ZFR2: variants seen among roughly 807,000 people sequenced by gnomAD.
ZFR2 encodes the protein zinc finger RNA-binding protein 2.
ZFR2 carries 104 observed loss-of-function variants against 105.7 expected under a neutral mutation model. The observed-to-expected ratio is 0.98, with a 90% CI of 0.84 to 1.16. The LOEUF is 1.16. Ranked by LOEUF, ZFR2 falls within the 50% of genes most tolerant of loss-of-function variation. ZFR2 has a pLI of 0.00. For synonymous variants in ZFR2, 634 were observed against 597.7 expected (o/e 1.06, Z -0.89); for missense variants, 1,425 against 1,355.5 (o/e 1.05, Z -0.80).
chr19:3,808,806 TG>T, intron 17 of ZFR2, 65 bp downstream of exon 17: 1 of 1,341,620 alleles, frequency 7.5e-7, no homozygotes, highest in Non-Finnish European at 1.0e-6. Flanking sequence ...CTCTGTGCCA[TG>T]GCCACGGGCC....
Position 3,838,414 on chromosome 19 carries a change from CAA to C in ZFR2, c.54-3433_54-3432del, listed in dbSNP as rs2038101120. 6.6e-6 allele frequency among the ~76,000 whole-genome samples: 1 copy of C among 152,144 alleles called. No individual in the cohort carries two copies. The highest frequency in any genetic ancestry group is 1.5e-5 in the Non-Finnish European group (1 of 68,028). ...CTGCACTGAGCACCGACCGATGAGC[CAA>C]AGAGAGGAAGGTGGAAGGTTCCATA... On this transcript the variant is annotated intron_variant, in intron 1 of 18. Transcript: ENST00000262961. The surrounding 1 kb of genome is among the most constrained non-coding windows in gnomAD (Gnocchi z 4.9).
intron 14 of ZFR2, 48 bp from the exon 15 acceptor site, chr19:3,811,414 G>T: frequency 6.6e-7 from 1 of 1,526,512 alleles, no homozygotes. Context: ...GCCTCGTCCC[G>T]CTCTGCTGCC....
At chr19:3,812,663 A>G (rs1011086844) in intron 14 of ZFR2, among the ~76,000 whole-genome samples, 1 of 152,138 alleles carries the variant, frequency 6.6e-6, no homozygotes, top group Non-Finnish European at 1.5e-5. Flanking sequence ...TAGCGCCAAA[A>G]GCCACTCTCT....
chr19:3,833,352 G>A (rs1188973711), intron 3 of ZFR2, among the ~76,000 whole-genome samples: 18 of 152,026 alleles, frequency 1.2e-4, no homozygotes, highest in Admixed American at 3.3e-4. Flanking sequence ...CAAGGCGGGC[G>A]GATCACGAGG....
intron 5 of ZFR2, among the ~76,000 whole-genome samples, chr19:3,829,553 C>T (rs1042400300): frequency 6.6e-6 from 1 of 151,576 alleles, no homozygotes; most frequent in Admixed American, 6.6e-5. Flanking sequence ...CGCCCTGTCG[C>T]CCAGGCTGGG....
chr19:3,866,874 G>A (rs1432212214), intron 1 of ZFR2, among the ~76,000 whole-genome samples: 2 of 152,154 alleles, frequency 1.3e-5, no homozygotes, highest in African/African-American at 4.8e-5. Context: ...GAAATCAGCA[G>A]GTCATAGATT....
chr19:3,865,205 C>T (rs1034522737), intron 1 of ZFR2, among the ~76,000 whole-genome samples: 3 of 152,124 alleles, frequency 2.0e-5, no homozygotes, highest in African/African-American at 7.2e-5. Flanking sequence ...ACATTATCAA[C>T]AGCTAACTGT....
At position 3,831,410 on chromosome 19, in the gene ZFR2, C is replaced by A. The variant is rs755776377; in HGVS notation, c.745G>T (p.Asp249Tyr). 4 of 1,555,116 alleles carry A rather than the reference C, an allele frequency of 2.6e-6. No homozygotes were observed. The highest frequency in any genetic ancestry group is 2.4e-5 in the South Asian group (2 of 84,432). The change falls in exon 5 of 19, where the codon GAC becomes TAC. Residue 249 changes from aspartate (D) to tyrosine (Y), a missense_variant. Asp to Tyr is a radical substitution (Grantham distance 160). Transcript: ENST00000262961. The part of the protein sequence containing the change: ...PAGSGSSPRA[D>Y]SKPPLPSKLP... ...TTGCTGGGAAGCGGTGGCTTCGAGTCGGCCCTGGGGCTGCTTCCTGAGCCT... is the reference window on the plus strand; with the variant it reads ...TTGCTGGGAAGCGGTGGCTTCGAGTAGGCCCTGGGGCTGCTTCCTGAGCCT...
chr19:3,857,178 C>T (rs2038314199), intron 1 of ZFR2, among the ~76,000 whole-genome samples: 1 of 147,232 alleles, frequency 6.8e-6, no homozygotes. Flanking sequence ...ACCTCTGCCT[C>T]CTGGGCTCAA....
In ZFR2 at chr19:3,819,209, G is replaced by A. The variant is rs550704725; in HGVS notation, c.1767C>T (p.Asp589=). The change falls in exon 12 of 19, where the codon GAC becomes GAT. Residue 589 remains aspartate (D), a synonymous_variant. Coordinates refer to ENST00000262961, the MANE Select transcript of ZFR2 (RefSeq NM_015174.2). ...LQPGRRPASS[D]DRHVMCKHAT... ...CGTGCTTGCACATGACGTGCCGGTC[G>A]TCGCTGGACGCCGGCCGCCGCCCGG... 2.5e-5 allele frequency: 39 copies of A among 1,562,648 alleles called. No homozygotes were observed. The South Asian group carries it at 3.0e-4, about 12-fold the overall frequency.
At chr19:3,843,569 A>T (rs2038155377) in intron 1 of ZFR2, among the ~76,000 whole-genome samples, 1 of 151,704 alleles carries the variant, frequency 6.6e-6, no homozygotes, top group South Asian at 2.1e-4. Flanking sequence ...GCGGTGGCTC[A>T]CGCCTGTAAT....
In ZFR2 at chr19:3,858,861, C is replaced by A. The variant is rs896255565; in HGVS notation, c.53+10104G>T. ...TAATTAAAAACAAGGACTCTTTCTT[C>A]CCGAACACAGCTCATCACCTATTTC... On this transcript the variant is annotated intron_variant, in intron 1 of 18. Transcript: ENST00000262961. This position sits in a 1 kb window ranked among gnomAD's most constrained non-coding sequence, Gnocchi z 4.3. 6.6e-6 allele frequency among the ~76,000 whole-genome samples: 1 copy of A among 152,170 alleles called. No individual in the cohort carries two copies. The highest frequency in any genetic ancestry group is 2.4e-5 in the African/African-American group (1 of 41,434).
chr19:3,807,531 A>AC (rs1198152114), intron 17 of ZFR2, among the ~76,000 whole-genome samples: 1 of 149,684 alleles, frequency 6.7e-6, no homozygotes, highest in Non-Finnish European at 1.5e-5. Context: ...GCCTGTGTGC[A>AC]CCCATGCATA....
intron 3 of ZFR2, among the ~76,000 whole-genome samples, chr19:3,832,590 G>A (rs1394922971): frequency 2.6e-5 from 4 of 151,662 alleles, no homozygotes; most frequent in African/African-American, 9.7e-5. Flanking sequence ...AAAGTGCTGG[G>A]ATTACAGGCG....
intron 1 of ZFR2, among the ~76,000 whole-genome samples, chr19:3,860,753 TTTTACTC>T (rs2038364053): frequency 6.6e-6 from 1 of 152,038 alleles, no homozygotes; most frequent in South Asian, 2.1e-4. Flanking sequence ...GGCAACACCT[TTTTACTC>T]TTGTGCACCA....
At chr19:3,819,310 G>GGCAGGTGA in intron 11 of ZFR2, 75 bp from the exon 12 acceptor site, 1 of 1,226,502 alleles carries the variant, frequency 8.2e-7, no homozygotes, top group African/African-American at 1.6e-5. Context: ...CGGGCAGGTG[G>GGCAGGTGA]GGGCAGGTGG....
intron 6 of ZFR2, 48 bp from the exon 7 acceptor site, chr19:3,825,455 G>T: frequency 6.6e-7 from 1 of 1,519,856 alleles, no homozygotes. Context: ...CTCCCAGCCT[G>T]ATGGCCTTTT....
At chr19:3,842,006 G>A (rs2038137262) in intron 1 of ZFR2, among the ~76,000 whole-genome samples, 1 of 151,614 alleles carries the variant, frequency 6.6e-6, no homozygotes, top group Admixed American at 6.6e-5. Flanking sequence ...GTAAAGCAGA[G>A]TGACTTTTTT....
intron 1 of ZFR2, among the ~76,000 whole-genome samples, chr19:3,835,320 G>T (rs1242865134): frequency 2.0e-5 from 3 of 151,880 alleles, no homozygotes; most frequent in Non-Finnish European, 1.5e-5. Context: ...ATTCTTCAAA[G>T]AAAATTGAAC....
Sources: gnomAD v4.1 joint callset for allele counts (sites outside exome capture counted in the v4.1 genomes callset) on GRCh38, gnomAD v4.1.1 for gene constraint, Gnocchi (gnomAD v3.1) non-coding constraint, MANE v1.5 for transcripts, NCBI Gene and HGNC (gene_info 2026-07-23, HGNC 2026-07-21) for gene names.